TSPEAR: variants seen among roughly 807,000 people sequenced by gnomAD.
TSPEAR encodes thrombospondin type laminin G domain and EAR repeats.
Under a neutral mutation model 71.6 loss-of-function variants are expected in TSPEAR, and 69 were observed. The observed-to-expected ratio is 0.96, with a 90% CI of 0.79 to 1.18. The LOEUF (loss-of-function observed/expected upper bound fraction) is 1.18, where lower values mean the gene tolerates loss of function less well. Among genes scored for constraint, TSPEAR ranks in the 50% most tolerant of loss-of-function variants. The pLI, the probability that TSPEAR is intolerant of heterozygous loss-of-function variation, is 0.00. For missense variants in TSPEAR, 971 were observed against 894.9 expected, an observed-to-expected ratio of 1.09 and a Z score of -1.09; for synonymous variants, 402 against 387.2, an observed-to-expected ratio of 1.04 and a Z score of -0.45.
At chr21:44,626,968 C>T (rs1243693960) in intron 1 of TSPEAR, among the ~76,000 whole-genome samples, 1 of 152,128 alleles carries the variant, frequency 6.6e-6, no homozygotes, top group Non-Finnish European at 1.5e-5. Flanking sequence ...TGGGCAATGT[C>T]ACCAGCAAAC....
intron 11 of TSPEAR, among the ~76,000 whole-genome samples, chr21:44,504,347 C>A (rs1210270197): frequency 1.6e-5 from 2 of 127,300 alleles, no homozygotes; most frequent in African/African-American, 6.1e-5. Flanking sequence ...AAGCTGGCCT[C>A]GGTGAGCCCT....
chr21:44,636,800 C>A (rs1555936764), intron 1 of TSPEAR, among the ~76,000 whole-genome samples: 1 of 152,204 alleles, frequency 6.6e-6, no homozygotes, highest in African/African-American at 2.4e-5. Context: ...AAACCTTGTC[C>A]TCCTAATGAG....
At chr21:44,654,270 A>G (rs782748236) in intron 1 of TSPEAR, 44 of 1,612,704 alleles carry the variant, frequency 2.7e-5, no homozygotes, top group Non-Finnish European at 3.6e-5. Flanking sequence ...ATAGGAGGCC[A>G]CCTGCTCAGC....
At chr21:44,688,691 A>G (rs1555949272) in intron 1 of TSPEAR, among the ~76,000 whole-genome samples, 1 of 152,124 alleles carries the variant, frequency 6.6e-6, no homozygotes, top group Non-Finnish European at 1.5e-5. Context: ...CCTGGGCAAC[A>G]GAGCCAGACT....
At chr21:44,512,382 G>A (rs1363644821) in intron 9 of TSPEAR, among the ~76,000 whole-genome samples, 1 of 151,902 alleles carries the variant, frequency 6.6e-6, no homozygotes, top group Non-Finnish European at 1.5e-5. Flanking sequence ...GGAAAGAAGG[G>A]TGGTGGTCTT....
At chr21:44,668,496 C>T (rs1042500761) in intron 1 of TSPEAR, among the ~76,000 whole-genome samples, 1 of 152,080 alleles carries the variant, frequency 6.6e-6, no homozygotes, top group African/African-American at 2.4e-5. Context: ...CAATGCAATC[C>T]CTGTCAAAAT....
chr21:44,615,368 G>T (rs1555932175), intron 1 of TSPEAR, among the ~76,000 whole-genome samples: 1 of 152,242 alleles, frequency 6.6e-6, no homozygotes, highest in East Asian at 1.9e-4. Context: ...AAGCGAGGCA[G>T]CGCTCTCTGG....
At chr21:44,675,829 T>G (rs186334137) in intron 1 of TSPEAR, 31 of 601,444 alleles carry the variant, frequency 5.2e-5, no homozygotes, top group Non-Finnish European at 8.2e-5. Flanking sequence ...GCTGATTTCC[T>G]TGACATGAAA....
chr21:44,575,806 AG>A (rs1978397108), intron 1 of TSPEAR, among the ~76,000 whole-genome samples: 1 of 152,226 alleles, frequency 6.6e-6, no homozygotes, highest in African/African-American at 2.4e-5. Context: ...GAACACAGAC[AG>A]GCGATTGGAA....
chr21:44,695,131 A>G lies in TSPEAR; in HGVS notation c.82+16302T>C, dbSNP rs540897319. 2.4e-4 allele frequency among the ~76,000 whole-genome samples: 37 copies of G among 152,232 alleles called. No individual in the cohort carries two copies. The highest frequency in any genetic ancestry group is 7.7e-4 in the African/African-American group (32 of 41,522). ...TGAGGTCACTCTTTATAATCCAAAT[A>G]AAATAACAAGAGACAGTGCCCTCCA... On this transcript the variant is annotated intron_variant, in intron 1 of 11. Transcript: ENST00000323084. The surrounding 1 kb of genome is among the most constrained non-coding windows in gnomAD (Gnocchi z 4.5).
At chr21:44,590,505 T>C (rs56188080) in intron 1 of TSPEAR, among the ~76,000 whole-genome samples, 5,723 of 151,886 alleles carry the variant, frequency 0.038, 297 homozygotes, top group African/African-American at 0.12. Flanking sequence ...CCCATCTGTG[T>C]TCTCGCCAGC....
chr21:44,510,365 G>A (rs2052334233), intron 9 of TSPEAR, among the ~76,000 whole-genome samples: 1 of 152,190 alleles, frequency 6.6e-6, no homozygotes, highest in Admixed American at 6.5e-5. Flanking sequence ...TCTGCCTGAG[G>A]GACATTGCAC....
intron 2 of TSPEAR, among the ~76,000 whole-genome samples, chr21:44,560,286 A>C (rs2053613613): frequency 6.6e-6 from 1 of 152,212 alleles, no homozygotes. Flanking sequence ...AGAGCTAATT[A>C]TCCTAAATAT....
intron 2 of TSPEAR, among the ~76,000 whole-genome samples, chr21:44,536,395 TTCTC>T (rs1404288945): frequency 2.6e-5 from 4 of 152,322 alleles, no homozygotes; most frequent in Non-Finnish European, 5.9e-5. Context: ...TATCTGGTAA[TTCTC>T]TCTGTTTCTA....
intron 2 of TSPEAR, chr21:44,550,846 C>A (rs781814591): frequency 1.3e-6 from 2 of 1,530,520 alleles, no homozygotes; most frequent in Non-Finnish European, 1.8e-6. Context: ...GGAGAGGAAG[C>A]CCCAGAGCAA....
At chr21:44,521,429 A>ACGTGCTGCCCCGACCCGGCCCC (rs1473550526) in intron 9 of TSPEAR, among the ~76,000 whole-genome samples, 1 of 152,172 alleles carries the variant, frequency 6.6e-6, no homozygotes, top group Non-Finnish European at 1.5e-5. Flanking sequence ...GAGGAGCGCC[A>ACGTGCTGCCCCGACCCGGCCCC]CGTGCTGCCC....
chr21:44,697,327 C>T (rs782216574), intron 1 of TSPEAR: 93 of 1,613,198 alleles, frequency 5.8e-5, no homozygotes, highest in East Asian at 3.1e-4. Context: ...CCCCCTGCTG[C>T]GCCCCGGCCC....
At chr21:44,596,551 G>A (rs1980382292) in intron 1 of TSPEAR, among the ~76,000 whole-genome samples, 1 of 152,214 alleles carries the variant, frequency 6.6e-6, no homozygotes, top group Admixed American at 6.5e-5. Flanking sequence ...AGGCTTAAAG[G>A]CATGAGGTTT....
chr21:44,521,903 G>A lies in TSPEAR; in HGVS notation c.1546C>T (p.Gln516Ter). Reference sequence around the variant, plus strand: ...CTTACCGGGAAGGACTGGAAGAGCTGGAAGGAGCCCAGGAGTCGGATGTAG... The same window carrying A: ...CTTACCGGGAAGGACTGGAAGAGCTAGAAGGAGCCCAGGAGTCGGATGTAG... ...HLYIRLLGSFQLFQSFPTFGA... is the reference protein window; with the variant it reads ...HLYIRLLGSF The change falls in exon 9 of 12, where the codon CAG becomes TAG. Residue 516 changes from glutamine to a stop codon, truncating the protein, a stop_gained. Transcript: ENST00000323084. LOFTEE classifies it high-confidence loss of function. 6.2e-7 allele frequency: 1 copy of A among 1,613,824 alleles called. No individual in the cohort carries two copies. Among genetic ancestry groups the A allele is most frequent in the Non-Finnish European group, 8.5e-7 (1 of 1,179,922 alleles).
Sources: gnomAD v4.1 joint callset for allele counts (sites outside exome capture counted in the v4.1 genomes callset) on GRCh38, gnomAD v4.1.1 for gene constraint, Gnocchi (gnomAD v3.1) non-coding constraint, MANE v1.5 for transcripts, NCBI Gene and HGNC (gene_info 2026-07-23, HGNC 2026-07-21) for gene names.